FUZ: variants seen among roughly 807,000 people sequenced by gnomAD.
FUZ encodes the protein fuzzy planar cell polarity protein.
FUZ carries 31 observed loss-of-function variants against 43.1 expected under a neutral mutation model. The observed-to-expected ratio is 0.72, with a 90% confidence interval of 0.54 to 0.97. FUZ has a LOEUF of 0.97. FUZ is among the 50% of genes least tolerant of loss of function. The pLI is 0.00. For synonymous variants in FUZ, 274 were observed against 250.0 expected, an observed-to-expected ratio of 1.10 and a Z score of -0.91; for missense variants, 539 against 543.8, an observed-to-expected ratio of 0.99 and a Z score of 0.09.
At chr19:49,808,958 A>C in intron 7 of FUZ, 135 bp from the exon 8 acceptor site, 1 of 875,090 alleles carries the variant, frequency 1.1e-6, no homozygotes, top group Non-Finnish European at 1.8e-6. Flanking sequence ...GGCGGAGGGC[A>C]GAAGGGACTG....
intron 5 of FUZ, 149 bp downstream of exon 5, chr19:49,811,214 G>GA (rs1473220842): frequency 8.8e-6 from 6 of 682,198 alleles, no homozygotes; most frequent in Non-Finnish European, 1.6e-5. Context: ...AAAAAAAAAA[G>GA]AAAAAAGATT....
At chr19:49,812,148 GAGGA>G (rs1013774091) in intron 3 of FUZ, 99 bp downstream of exon 3, 25 of 802,238 alleles carry the variant, frequency 3.1e-5, no homozygotes, top group African/African-American at 6.8e-5. Flanking sequence ...CCTGGGTTCT[GAGGA>G]AGGAAGTGTT....
chr19:49,812,878 T>C lies in FUZ; in HGVS notation c.111+118A>G, dbSNP rs185579948. ...TTGGGGAACCAGGCTTATTGGTCCA[T>C]TGCCTCCTCGGTCCTACAAATTCAA... On this transcript the variant is annotated intron_variant, in intron 1 of 10. Transcript: ENST00000313777. 2.5e-4 allele frequency: 333 copies of C among 1,350,368 alleles called. 4 individuals carry two copies. The East Asian group carries it at 7.5e-3, about 30-fold the overall frequency. 83.6% of individuals were successfully genotyped at this position (1,350,368 alleles called of 1,614,324 possible).
Position 49,808,979 on chromosome 19 carries a change from G to A in FUZ, c.787-156C>T, listed in dbSNP as rs1026696350. The A allele has an allele frequency of 8.1e-6, 7 of 863,744 alleles. No individual in the cohort carries two copies. In the African/African-American group the frequency reaches 8.3e-5, roughly 10 times the overall value. 53.5% of individuals were successfully genotyped at this position (863,744 alleles called of 1,614,324 possible). A position where few individuals can be genotyped will look rare whatever the true frequency, so the allele number is the denominator to read the frequency against. ...GGGCAGAAGGGACTGGGGAAGGGGC[G>A]AGGCCTGGAAGAATAGAGGCAGAGG... On this transcript the variant is annotated intron_variant, in intron 7 of 10. Coordinates refer to ENST00000313777, the MANE Select transcript of FUZ (RefSeq NM_025129.5).
intron 3 of FUZ, 144 bp from the exon 4 acceptor site, chr19:49,811,843 C>A: frequency 1.3e-6 from 1 of 782,972 alleles, no homozygotes; most frequent in Non-Finnish European, 2.3e-6. Flanking sequence ...CGCGGAGGCT[C>A]ATGCCTGTAA....
At position 49,809,446 on chromosome 19, in the gene FUZ, G is replaced by C; in HGVS notation, c.622C>G (p.Leu208Val). 1 of 1,549,106 alleles carries C rather than the reference G, an allele frequency of 6.5e-7. No individual in the cohort carries two copies. ...GTPEAVLLPW[L>V]VGSLPPQTAR... is the part of the protein sequence containing the mutation. ...GTCTGCGGCGGCAGGGACCCCACCA[G>C]CCAGGGGAGCAGCACGGCCTCGGGC... Residue 208 changes from leucine (L) to valine (V), a missense_variant, in exon 6 of 11, where the codon CTG becomes GTG. Coordinates refer to ENST00000313777, the MANE Select transcript of FUZ (RefSeq NM_025129.5). The surrounding 1 kb of genome is among the most constrained non-coding windows in gnomAD (Gnocchi z 5.1).
chr19:49,810,402 C>T (rs188857944), intron 5 of FUZ, among the ~76,000 whole-genome samples: 1 of 151,160 alleles, frequency 6.6e-6, no homozygotes, highest in Non-Finnish European at 1.5e-5. Context: ...CAGCCGGGCG[C>T]GGTGGCTCAT....
At chr19:49,811,533 G>A (rs750044002) in intron 4 of FUZ, 66 bp from the exon 5 acceptor site, 28 of 1,580,804 alleles carry the variant, frequency 1.8e-5, no homozygotes, top group Admixed American at 8.3e-5. Context: ...CCAAGAACCT[G>A]TGGGACCAGG....
At chr19:49,808,263 A>C (rs777665466) in intron 10 of FUZ, 151 bp downstream of exon 10, 11 of 803,660 alleles carry the variant, frequency 1.4e-5, no homozygotes, top group Non-Finnish European at 2.3e-5. Flanking sequence ...ATCTGCATCA[A>C]TGCTCAGATC....
At chr19:49,810,183 G>A (rs190968297) in intron 5 of FUZ, among the ~76,000 whole-genome samples, 1 of 152,294 alleles carries the variant, frequency 6.6e-6, no homozygotes, top group Admixed American at 6.5e-5. Flanking sequence ...CCGGAGGGCT[G>A]TGAGCAGGAA....
chr19:49,812,791 T>A, intron 1 of FUZ, 55 bp from the exon 2 acceptor site: 1 of 1,604,148 alleles, frequency 6.2e-7, no homozygotes, highest in South Asian at 1.1e-5. Flanking sequence ...CCTTCCCCCT[T>A]AGGACCCAAG....
chr19:49,809,489 A>C lies in FUZ; in HGVS notation c.579T>G (p.Gly193=). Residue 193 remains glycine (G), a synonymous_variant, in exon 6 of 11, where the codon GGT becomes GGG. Coordinates refer to ENST00000313777, the MANE Select transcript of FUZ (RefSeq NM_025129.5). The surrounding 1 kb of genome is among the most constrained non-coding windows in gnomAD (Gnocchi z 5.1). ...VSGRVVAATE[G]WWRLGTPEAV... is the part of the protein sequence containing the mutation. ...CCTCGGGCGTCCCCAGCCGCCACCA[A>C]CCCTCTGTTGCTGCCACCACCCGGC... is the stretch of plus-strand genomic sequence containing the variant. 6.3e-7 allele frequency: 1 copy of C among 1,588,992 alleles called. No individual in the cohort carries two copies. Among genetic ancestry groups the C allele is most frequent in the Non-Finnish European group, 8.5e-7 (1 of 1,171,816 alleles).
At position 49,810,203 on chromosome 19, in the gene FUZ, G is replaced by A. The variant is rs551846696; in HGVS notation, c.493-628C>T. On this transcript the variant is annotated intron_variant, in intron 5 of 10. Coordinates refer to ENST00000313777, the MANE Select transcript of FUZ (RefSeq NM_025129.5). ...GGGCTGTGAGCAGGAAAGGGGCAGA[G>A]CCAGCTCTGGATATAGTAGGGTTCT... 1.3e-4 allele frequency among the ~76,000 whole-genome samples: 20 copies of A among 152,272 alleles called. No homozygotes were observed. In the South Asian group the frequency reaches 4.1e-3, roughly 32 times the overall value.
chr19:49,808,892 T>C (rs1176985644), intron 7 of FUZ, 69 bp from the exon 8 acceptor site: 4 of 1,227,970 alleles, frequency 3.3e-6, no homozygotes, highest in African/African-American at 1.6e-5. Flanking sequence ...TCGGGGGGTG[T>C]ACAAGGATAG....
rs1203141188 is a variant in FUZ, at chr19:49,808,896, AG to A, written c.787-74del. 6.6e-5 allele frequency: 75 copies of A among 1,142,480 alleles called. 1 individual carries two copies. The South Asian group carries it at 8.7e-4, about 13-fold the overall frequency. The allele number at this position is 1,142,480 out of a possible 1,614,324, so 70.8% of individuals were successfully genotyped here. On this transcript the variant is annotated intron_variant, in intron 7 of 10. Coordinates refer to ENST00000313777, the MANE Select transcript of FUZ (RefSeq NM_025129.5). ...GGCGGGGGAGGTCGGGGGGTGTACA[AG>A]GATAGGGGCGTGGTCAATCGGGAGG...
rs147900073 is a variant in FUZ, at chr19:49,808,621, A to G, written c.911T>C (p.Leu304Pro). The G allele has an allele frequency of 1.2e-6, 2 of 1,613,148 alleles. No homozygotes were observed. The highest frequency in any genetic ancestry group is 2.7e-5 in the African/African-American group (2 of 74,914). Residue 304 changes from leucine to proline, a missense_variant, in exon 9 of 11, where the codon CTG becomes CCG. Coordinates refer to ENST00000313777, the MANE Select transcript of FUZ (RefSeq NM_025129.5). Reference sequence around the variant, plus strand: ...GGTGAAGAGGCAGCGCTTCAGTTCCAGGTGGAGGAGCAGCAGCCTGTGGGA... The same window carrying G: ...GGTGAAGAGGCAGCGCTTCAGTTCCGGGTGGAGGAGCAGCAGCCTGTGGGA... ...TDILGLLLLH[L>P]ELKRCLFTVE...
chr19:49,809,109 C>A lies in FUZ; in HGVS notation c.786+54G>T. The A allele has an allele frequency of 6.7e-7, 1 of 1,484,682 alleles. No homozygotes were observed. Among genetic ancestry groups the A allele is most frequent in the Non-Finnish European group, 9.2e-7 (1 of 1,087,488 alleles). 92.0% of individuals were successfully genotyped at this position (1,484,682 alleles called of 1,614,324 possible). On this transcript the variant is annotated intron_variant, in intron 7 of 10. Coordinates refer to ENST00000313777, the MANE Select transcript of FUZ (RefSeq NM_025129.5). This position sits in a 1 kb window ranked among gnomAD's most constrained non-coding sequence, Gnocchi z 5.1. ...GGCAGGGCAGGGTGGTGGGGAAGGG[C>A]CCTCCTGGTAGCGGGTGTCCTAAGA...
Position 49,809,480 on chromosome 19 carries a change from C to A in FUZ, c.588G>T (p.Arg196=). ...RVVAATEGWW[R]LGTPEAVLLP... is the part of the protein sequence containing the mutation. ...GCAGCACGGCCTCGGGCGTCCCCAG[C>A]CGCCACCAACCCTCTGTTGCTGCCA... is the stretch of plus-strand genomic sequence containing the variant. Residue 196 remains arginine, a synonymous_variant, in exon 6 of 11, where the codon CGG becomes CGT. Transcript: ENST00000313777. The surrounding 1 kb of genome is among the most constrained non-coding windows in gnomAD (Gnocchi z 5.1). 1.3e-6 allele frequency: 2 copies of A among 1,581,014 alleles called. No homozygotes were observed. Among genetic ancestry groups the A allele is most frequent in the Non-Finnish European group, 1.7e-6 (2 of 1,167,844 alleles).
Position 49,813,116 on chromosome 19 carries a change from C to T in FUZ, c.-10G>A. The T allele has an allele frequency of 6.5e-7, 1 of 1,548,104 alleles. No individual in the cohort carries two copies. Among genetic ancestry groups the T allele is most frequent in the Non-Finnish European group, 8.7e-7 (1 of 1,144,164 alleles). ...TCCCCTCCTCCCCCATTTAGGACTC[C>T]CACCGCGGTCCCTCACGTGGGGACT... On this transcript the variant is annotated 5_prime_UTR_variant, in exon 1 of 11. Coordinates refer to ENST00000313777, the MANE Select transcript of FUZ (RefSeq NM_025129.5).
Sources: gnomAD v4.1 joint callset for allele counts (sites outside exome capture counted in the v4.1 genomes callset) on GRCh38, gnomAD v4.1.1 for gene constraint, Gnocchi (gnomAD v3.1) non-coding constraint, MANE v1.5 for transcripts, NCBI Gene and HGNC (gene_info 2026-07-23, HGNC 2026-07-21) for gene names.